Variants in SH3PXD2A observed in about 807,000 individuals in gnomAD.
SH3PXD2A encodes SH3 and PX domain-containing protein 2A.
A neutral mutation model predicts 115.2 loss-of-function variants in SH3PXD2A; 32 were observed. The ratio of observed to expected loss-of-function variants is 0.28; its 90% confidence interval spans 0.21 to 0.37. SH3PXD2A has a LOEUF of 0.37. SH3PXD2A is among the 10% of genes least tolerant of loss of function. The pLI, the probability that SH3PXD2A is intolerant of heterozygous loss-of-function variation, is 1.00. For missense variants in SH3PXD2A, 1,328 were observed against 1,498.7 expected (o/e 0.89, Z 1.88); for synonymous variants, 610 against 629.1 (o/e 0.97, Z 0.45).
chr10:103,806,559 G>A (rs746173557), intron 1 of SH3PXD2A, among the ~76,000 whole-genome samples: 3 of 152,132 alleles, frequency 2.0e-5, no homozygotes, highest in Admixed American at 6.5e-5. Context: ...AGCCTGCATC[G>A]GGGGCCCAGA....
chr10:103,834,922 C>T (rs138965528), intron 1 of SH3PXD2A, among the ~76,000 whole-genome samples: 84 of 152,320 alleles, frequency 5.5e-4, no homozygotes, highest in Non-Finnish European at 8.7e-4. Context: ...CAAGTTAATG[C>T]TGTAGTAGGT....
At chr10:103,787,671 T>A (rs2038993611) in intron 2 of SH3PXD2A, among the ~76,000 whole-genome samples, 1 of 152,222 alleles carries the variant, frequency 6.6e-6, no homozygotes, top group African/African-American at 2.4e-5. Context: ...CTGCCGGGAC[T>A]GTCTCAGCAG....
At chr10:103,815,363 T>C (rs918879110) in intron 1 of SH3PXD2A, among the ~76,000 whole-genome samples, 10 of 150,746 alleles carry the variant, frequency 6.6e-5, no homozygotes, top group Admixed American at 6.0e-4. Flanking sequence ...TTAGAAATTG[T>C]GGTATATATA....
At chr10:103,778,156 C>G (rs907339661) in intron 2 of SH3PXD2A, among the ~76,000 whole-genome samples, 1 of 151,902 alleles carries the variant, frequency 6.6e-6, no homozygotes, top group Admixed American at 6.6e-5. Flanking sequence ...GGTGAAACCC[C>G]GTCTCTACTA....
intron 5 of SH3PXD2A, among the ~76,000 whole-genome samples, chr10:103,723,269 G>A (rs1018802835): frequency 2.6e-5 from 4 of 152,098 alleles, no homozygotes; most frequent in African/African-American, 7.2e-5. Context: ...AGCTTCCAGG[G>A]GATAGCTATG....
chr10:103,792,980 T>C (rs971101152), intron 2 of SH3PXD2A, among the ~76,000 whole-genome samples: 1 of 152,200 alleles, frequency 6.6e-6, no homozygotes, highest in Non-Finnish European at 1.5e-5. Flanking sequence ...TTGTTAGACA[T>C]GTTCTTATGT....
At chr10:103,689,536 G>A (rs1491000101) in intron 6 of SH3PXD2A, among the ~76,000 whole-genome samples, 1 of 152,104 alleles carries the variant, frequency 6.6e-6, no homozygotes, top group Non-Finnish European at 1.5e-5. Context: ...GTGGTGGCAG[G>A]TGCCTGTAAT....
rs1398061001 is a variant in SH3PXD2A at position 103,724,295 on chromosome 10, G to C, written c.373C>G (p.Pro125Ala). Residue 125 changes from proline to alanine, a missense_variant, in exon 5 of 15, where the codon CCC (proline) becomes GCC (alanine). Coordinates refer to ENST00000369774, the MANE Select transcript of SH3PXD2A (RefSeq NM_001394015.1). ...TCTTTTGGAGGGTTGACATCCTCGG[G>C]TCGAGCCTCGAAGAACCGGAAGACT... ...DEVFRFFEAR[P>A]EDVNPPKEDY... 1.9e-6 allele frequency: 3 copies of C among 1,579,786 alleles called. No homozygotes were observed. Among genetic ancestry groups the C allele is most frequent in the Non-Finnish European group, 2.6e-6 (3 of 1,165,454 alleles).
intron 2 of SH3PXD2A, among the ~76,000 whole-genome samples, chr10:103,772,719 G>A (rs752193987): frequency 1.3e-5 from 2 of 152,208 alleles, no homozygotes; most frequent in Non-Finnish European, 2.9e-5. Context: ...GCAGGGGAGA[G>A]GGGAGGACGG....
At position 103,665,440 on chromosome 10, in the gene SH3PXD2A, G is replaced by A. The variant is rs1410415089; in HGVS notation, c.472+3168C>T. Among the ~76,000 whole-genome samples the A allele has an allele frequency of 6.6e-6, 1 of 152,158 alleles. No homozygotes were observed. The highest frequency in any genetic ancestry group is 1.5e-5 in the Non-Finnish European group (1 of 68,034). The stretch of plus-strand genomic sequence containing the variant: ...GACTCTCTGGGACACAGGTAGAAAA[G>A]TTAAGGAAATATTCTCTAGGCATTG... On this transcript the variant is annotated intron_variant, in intron 7 of 14. Coordinates refer to ENST00000369774, the MANE Select transcript of SH3PXD2A (RefSeq NM_001394015.1). This position sits in a 1 kb window ranked among gnomAD's most constrained non-coding sequence, Gnocchi z 4.0.
At chr10:103,829,395 A>C (rs974825156) in intron 1 of SH3PXD2A, among the ~76,000 whole-genome samples, 2 of 152,200 alleles carry the variant, frequency 1.3e-5, no homozygotes, top group Non-Finnish European at 2.9e-5. Context: ...CTACCCCAGA[A>C]AGCAATAAAG....
chr10:103,702,176 CCATCCATCATT>C, intron 5 of SH3PXD2A, among the ~76,000 whole-genome samples: 1 of 152,356 alleles, frequency 6.6e-6, no homozygotes, highest in East Asian at 1.9e-4. Flanking sequence ...CACCATCCAT[CCATCCATCATT>C]CATCCACCAT....
At chr10:103,834,994 G>T (rs1314226165) in intron 1 of SH3PXD2A, among the ~76,000 whole-genome samples, 1 of 152,214 alleles carries the variant, frequency 6.6e-6, no homozygotes, top group East Asian at 1.9e-4. Flanking sequence ...TTCAACATTT[G>T]TGCTGCTCAG....
chr10:103,769,134 CTGTG>C (rs67426639), intron 2 of SH3PXD2A, among the ~76,000 whole-genome samples: 19,515 of 141,626 alleles, frequency 0.14, 1,625 homozygotes, highest in East Asian at 0.34. Context: ...AGGCTAGACT[CTGTG>C]TGTGTGTGTG....
At chr10:103,730,089 C>T (rs1184449901) in intron 4 of SH3PXD2A, among the ~76,000 whole-genome samples, 2 of 152,202 alleles carry the variant, frequency 1.3e-5, no homozygotes, top group Non-Finnish European at 2.9e-5. Flanking sequence ...CGGTCATCCT[C>T]CACAGAGCCC....
intron 1 of SH3PXD2A, among the ~76,000 whole-genome samples, chr10:103,828,295 G>T (rs1290932430): frequency 1.3e-5 from 2 of 152,116 alleles, no homozygotes; most frequent in Non-Finnish European, 2.9e-5. Flanking sequence ...TCTTCCTGAT[G>T]ATTCATGAAC....
intron 8 of SH3PXD2A, among the ~76,000 whole-genome samples, chr10:103,657,690 G>C (rs2037231526): frequency 6.6e-6 from 1 of 152,212 alleles, no homozygotes. Flanking sequence ...CTCTGGAACA[G>C]GTTTGTCCTC....
chr10:103,771,649 C>T (rs2038821037), intron 2 of SH3PXD2A, among the ~76,000 whole-genome samples: 1 of 151,908 alleles, frequency 6.6e-6, no homozygotes, highest in African/African-American at 2.4e-5. Flanking sequence ...GCAGGAGAAT[C>T]GCTTGAACCT....
At chr10:103,823,000 G>A (rs1408229478) in intron 1 of SH3PXD2A, among the ~76,000 whole-genome samples, 2 of 152,148 alleles carry the variant, frequency 1.3e-5, no homozygotes, top group African/African-American at 4.8e-5. Flanking sequence ...TTCGTGGGAG[G>A]GAGCTGAATT....
Sources: allele counts gnomAD v4.1 joint callset (sites outside exome capture counted in the v4.1 genomes callset), GRCh38; gene constraint gnomAD v4.1.1; non-coding constraint Gnocchi (gnomAD v3.1); transcripts MANE v1.5; gene names NCBI Gene and HGNC (gene_info 2026-07-23, HGNC 2026-07-21).